Variants in ADAMTS19 observed in about 807,000 individuals in gnomAD.
ADAMTS19 encodes A disintegrin and metalloproteinase with thrombospondin motifs 19.
ADAMTS19 carries 93 observed loss-of-function variants against 153.3 expected under a neutral mutation model. That is an observed-to-expected ratio of 0.61 (90% CI 0.51 to 0.72). The LOEUF (loss-of-function observed/expected upper bound fraction) is 0.72. Among genes scored for constraint, ADAMTS19 ranks in the 30% least tolerant of loss-of-function variants. The pLI is 0.00. For missense variants in ADAMTS19, 1,482 were observed against 1,552.1 expected (o/e 0.95, Z 0.76); for synonymous variants, 600 against 556.6 (o/e 1.08, Z -1.10).
intron 8 of ADAMTS19, 88 bp downstream of exon 8, chr5:129,596,752 T>C: frequency 1.0e-6 from 1 of 981,226 alleles, no homozygotes; most frequent in East Asian, 2.7e-5. Flanking sequence ...TTCTGATTTT[T>C]AATTTGGGCT....
At chr5:129,661,746 T>C (rs533892440) in intron 15 of ADAMTS19, among the ~76,000 whole-genome samples, 1 of 152,194 alleles carries the variant, frequency 6.6e-6, no homozygotes, top group Non-Finnish European at 1.5e-5. Flanking sequence ...GGCCAGTTGT[T>C]GAAATGCATA....
chr5:129,629,087 A>G (rs1002593461), intron 10 of ADAMTS19, among the ~76,000 whole-genome samples: 1 of 152,078 alleles, frequency 6.6e-6, no homozygotes, highest in Admixed American at 6.6e-5. Context: ...AATCTCCTAT[A>G]TGGTAAGCTC....
chr5:129,603,815 A>G (rs532045590), intron 8 of ADAMTS19, among the ~76,000 whole-genome samples: 3 of 152,192 alleles, frequency 2.0e-5, no homozygotes, highest in African/African-American at 4.8e-5. Context: ...CACACAGCTA[A>G]TAAGTGCCTG....
rs1302562058 is a variant in ADAMTS19 at position 129,735,046 on chromosome 5, C to T, written c.3427C>T (p.Pro1143Ser). 1.9e-6 allele frequency: 3 copies of T among 1,611,640 alleles called. No homozygotes were observed. The highest frequency in any genetic ancestry group is 2.5e-6 in the Non-Finnish European group (3 of 1,178,702). The change falls in exon 22 of 23, where the codon CCA becomes TCA. Residue 1143 changes from proline (P) to serine (S), a missense_variant. Coordinates refer to ENST00000274487, the MANE Select transcript of ADAMTS19 (RefSeq NM_133638.6). ...CTCAGAAAAACCTGCAGCATACAGG[C>T]CATGCCATCTTCAACCCTGCAATGA... Reference protein sequence around the residue: ...FSSEKPAAYRPCHLQPCNEKI... With the variant: ...FSSEKPAAYRSCHLQPCNEKI...
rs919817829 is a variant in ADAMTS19, at chr5:129,478,896, G to A, written c.747+17139G>A. ...AAGAGGAAAATCAATGAATGGAGGC[G>A]CTGTAGTTTTCATTTGCATTGATTT... On this transcript the variant is annotated intron_variant, in intron 2 of 22. Coordinates refer to ENST00000274487, the MANE Select transcript of ADAMTS19 (RefSeq NM_133638.6). 3.9e-5 allele frequency among the ~76,000 whole-genome samples: 6 copies of A among 152,224 alleles called. No homozygotes were observed. The East Asian group carries it at 5.8e-4, about 15-fold the overall frequency.
Position 129,715,514 on chromosome 5 carries a change from G to A in ADAMTS19, c.3312+11123G>A, listed in dbSNP as rs80316448. 1.3e-3 allele frequency among the ~76,000 whole-genome samples: 196 copies of A among 152,252 alleles called. 1 individual carries two copies. The highest frequency in any genetic ancestry group is 4.5e-3 in the African/African-American group (189 of 41,542). On this transcript the variant is annotated intron_variant, in intron 21 of 22. Coordinates refer to ENST00000274487, the MANE Select transcript of ADAMTS19 (RefSeq NM_133638.6). ...AACTATGTAAGTGCTGGCTATATTCGAATTGTAGTATCAGTGGGGCTAGGG... is the reference window on the plus strand; with the variant it reads ...AACTATGTAAGTGCTGGCTATATTCAAATTGTAGTATCAGTGGGGCTAGGG...
At chr5:129,635,296 A>G (rs1384965149) in intron 10 of ADAMTS19, among the ~76,000 whole-genome samples, 1 of 152,238 alleles carries the variant, frequency 6.6e-6, no homozygotes, top group Non-Finnish European at 1.5e-5. Context: ...GAACACTTAT[A>G]TACTGTTGAT....
intron 7 of ADAMTS19, 114 bp downstream of exon 7, chr5:129,552,021 A>G: frequency 1.6e-6 from 1 of 627,748 alleles, no homozygotes; most frequent in East Asian, 3.2e-5. Context: ...TCAAAATGTC[A>G]GACATACATA....
At chr5:129,549,994 G>GATATACATATACATGTATATGTA (rs1753021666) in intron 6 of ADAMTS19, among the ~76,000 whole-genome samples, 2 of 99,102 alleles carry the variant, frequency 2.0e-5, no homozygotes, top group African/African-American at 7.4e-5. Context: ...ATCTGTATAT[G>GATATACATATACATGTATATGTA]TATCTAGATA....
chr5:129,511,373 T>C (rs1229702291), intron 3 of ADAMTS19, among the ~76,000 whole-genome samples: 4 of 151,868 alleles, frequency 2.6e-5, no homozygotes, highest in African/African-American at 4.8e-5. Context: ...ACATGAGTTT[T>C]AGAGTCAGAG....
chr5:129,715,466 G>A (rs1423043302), intron 21 of ADAMTS19, among the ~76,000 whole-genome samples: 1 of 152,164 alleles, frequency 6.6e-6, no homozygotes, highest in Non-Finnish European at 1.5e-5. Flanking sequence ...GGAAAATTCT[G>A]AGAATAGTGT....
chr5:129,522,443 T>G (rs1277681373), intron 3 of ADAMTS19, among the ~76,000 whole-genome samples: 1 of 148,572 alleles, frequency 6.7e-6, no homozygotes, highest in Non-Finnish European at 1.5e-5. Flanking sequence ...ATAGTGATTC[T>G]GATTCAGATG....
intron 19 of ADAMTS19, among the ~76,000 whole-genome samples, chr5:129,695,116 C>G (rs1040343099): frequency 3.9e-5 from 6 of 152,080 alleles, no homozygotes; most frequent in Non-Finnish European, 5.9e-5. Flanking sequence ...CATTTCATAA[C>G]CTCTAGGTCA....
Position 129,467,798 on chromosome 5 carries a change from A to G in ADAMTS19, c.747+6041A>G, listed in dbSNP as rs565809636. Among the ~76,000 whole-genome samples, 29 of 152,334 alleles carry G rather than the reference A, an allele frequency of 1.9e-4. No individual in the cohort carries two copies. The South Asian group carries it at 4.8e-3, about 25-fold the overall frequency. On this transcript the variant is annotated intron_variant, in intron 2 of 22. Coordinates refer to ENST00000274487, the MANE Select transcript of ADAMTS19 (RefSeq NM_133638.6). ...TCTCCAAAAAGGTATGCAATGAAAA[A>G]TCTTCCTCAAATACCTATTCCCCGG...
chr5:129,701,735 C>T (rs1317122389), intron 20 of ADAMTS19, 143 bp downstream of exon 20: 4 of 905,798 alleles, frequency 4.4e-6, no homozygotes, highest in Non-Finnish European at 6.4e-6. Flanking sequence ...TAAAGGAATA[C>T]ATTCAAATAA....
At chr5:129,539,662 T>C (rs1000147513) in intron 6 of ADAMTS19, among the ~76,000 whole-genome samples, 2 of 152,158 alleles carry the variant, frequency 1.3e-5, no homozygotes, top group Non-Finnish European at 2.9e-5. Context: ...TATCTGTTTA[T>C]AGAACTTTCT....
intron 19 of ADAMTS19, among the ~76,000 whole-genome samples, chr5:129,700,393 T>C (rs949009488): frequency 2.0e-5 from 3 of 152,144 alleles, no homozygotes; most frequent in Non-Finnish European, 4.4e-5. Flanking sequence ...TGTAGCTCCA[T>C]GTGGGAGGAT....
chr5:129,531,073 T>G (rs537437216), intron 6 of ADAMTS19, among the ~76,000 whole-genome samples: 1 of 101,834 alleles, frequency 9.8e-6, no homozygotes, highest in Non-Finnish European at 1.9e-5. Context: ...AAGAAGAATT[T>G]TAGTAAAATA....
chr5:129,703,166 A>G (rs929604258), intron 20 of ADAMTS19, among the ~76,000 whole-genome samples: 5 of 150,556 alleles, frequency 3.3e-5, no homozygotes, highest in Non-Finnish European at 7.4e-5. Context: ...TATCCAGAAC[A>G]ATTTTGGTCC....
Sources: gnomAD v4.1 joint callset for allele counts (sites outside exome capture counted in the v4.1 genomes callset) on GRCh38, gnomAD v4.1.1 for gene constraint, MANE v1.5 for transcripts, NCBI Gene and HGNC (gene_info 2026-07-23, HGNC 2026-07-21) for gene names.